The following VWC2L variants were observed in gnomAD, a reference collection of about 807,000 sequenced individuals.
VWC2L encodes the protein von Willebrand factor C domain containing 2 like.
A neutral mutation model predicts 21.6 loss-of-function variants in VWC2L; 10 were observed. The ratio of observed to expected loss-of-function variants is 0.46; its 90% CI spans 0.29 to 0.78. The LOEUF (loss-of-function observed/expected upper bound fraction) is 0.78. Among genes scored for constraint, VWC2L ranks in the 30% least tolerant of loss-of-function variants. The probability of loss-of-function intolerance (pLI) is 0.10; values close to 1 mark genes in which losing one functional copy is unlikely to be tolerated. For synonymous variants in VWC2L, 96 were observed against 94.3 expected (o/e 1.02, Z -0.10); for missense variants, 209 against 277.1 (o/e 0.75, Z 1.74).
At chr2:214,466,457 G>C (rs976514464) in intron 3 of VWC2L, among the ~76,000 whole-genome samples, 22 of 152,038 alleles carry the variant, frequency 1.4e-4, no homozygotes, top group African/African-American at 5.1e-4. Flanking sequence ...AGTTTTCTTA[G>C]TGTTCCTTGT....
chr2:214,481,382 AG>A (rs1688601776), intron 3 of VWC2L, among the ~76,000 whole-genome samples: 1 of 152,218 alleles, frequency 6.6e-6, no homozygotes, highest in Non-Finnish European at 1.5e-5. Context: ...GTGGAGAAAA[AG>A]GCTCAGCTGA....
intron 3 of VWC2L, among the ~76,000 whole-genome samples, chr2:214,456,978 T>A (rs1285889410): frequency 1.3e-5 from 2 of 152,132 alleles, no homozygotes; most frequent in Non-Finnish European, 2.9e-5. Flanking sequence ...TATTATAACT[T>A]TTTAATTTAT....
chr2:214,563,029 C>T (rs1690001195), intron 3 of VWC2L, among the ~76,000 whole-genome samples: 1 of 152,022 alleles, frequency 6.6e-6, no homozygotes, highest in Non-Finnish European at 1.5e-5. Context: ...GAAATCTTTC[C>T]CTTGCCTGCA....
chr2:214,542,884 G>A (rs1689649848), intron 3 of VWC2L, among the ~76,000 whole-genome samples: 1 of 151,948 alleles, frequency 6.6e-6, no homozygotes, highest in Non-Finnish European at 1.5e-5. Context: ...GCCAAATTAG[G>A]GTTCATTCAT....
chr2:214,445,556 G>C (rs986580391), intron 3 of VWC2L, among the ~76,000 whole-genome samples: 2 of 151,444 alleles, frequency 1.3e-5, no homozygotes, highest in Non-Finnish European at 3.0e-5. Context: ...CATATATAGA[G>C]AGACCCTATT....
chr2:214,496,669 T>C (rs757976536), intron 3 of VWC2L, among the ~76,000 whole-genome samples: 1 of 152,240 alleles, frequency 6.6e-6, no homozygotes, highest in African/African-American at 2.4e-5. Context: ...TCTTACGTGA[T>C]TGTACTATTG....
At chr2:214,433,097 A>G (rs531897401) in intron 2 of VWC2L, among the ~76,000 whole-genome samples, 178 of 150,096 alleles carry the variant, frequency 1.2e-3, no homozygotes, top group Non-Finnish European at 2.2e-3. Flanking sequence ...TTAGTTATTT[A>G]AAAACACTAA....
At chr2:214,565,633 A>AT (rs986125633) in intron 3 of VWC2L, among the ~76,000 whole-genome samples, 7 of 152,158 alleles carry the variant, frequency 4.6e-5, no homozygotes, top group East Asian at 1.9e-4. Flanking sequence ...ATGTCTTGAC[A>AT]TTTTTTTAAT....
chr2:214,572,090 A>G (rs867491755), intron 3 of VWC2L, among the ~76,000 whole-genome samples: 3 of 152,212 alleles, frequency 2.0e-5, no homozygotes, highest in Admixed American at 6.5e-5. Flanking sequence ...CCTACCTCCT[A>G]TATTCTTAAA....
chr2:214,452,959 A>G (rs923952293), intron 3 of VWC2L, among the ~76,000 whole-genome samples: 1 of 152,120 alleles, frequency 6.6e-6, no homozygotes, highest in African/African-American at 2.4e-5. Context: ...AATTCTTTAT[A>G]TATTCTGTAG....
chr2:214,470,413 C>T (rs1361853223), intron 3 of VWC2L, among the ~76,000 whole-genome samples: 1 of 151,882 alleles, frequency 6.6e-6, no homozygotes, highest in African/African-American at 2.4e-5. Flanking sequence ...AACAGGGATG[C>T]TTGTACATTT....
intron 3 of VWC2L, among the ~76,000 whole-genome samples, chr2:214,465,360 C>T (rs1703200401): frequency 6.6e-6 from 1 of 152,150 alleles, no homozygotes; most frequent in Non-Finnish European, 1.5e-5. Context: ...ATGGATTCTG[C>T]CAGGACTGGG....
At chr2:214,428,768 A>T (rs967869060) in intron 2 of VWC2L, among the ~76,000 whole-genome samples, 1 of 151,750 alleles carries the variant, frequency 6.6e-6, no homozygotes, top group African/African-American at 2.4e-5. Context: ...ATATAAAATG[A>T]AGAAAAAATT....
chr2:214,491,195 A>C (rs1688741128), intron 3 of VWC2L, among the ~76,000 whole-genome samples: 1 of 152,192 alleles, frequency 6.6e-6, no homozygotes, highest in Non-Finnish European at 1.5e-5. Flanking sequence ...ATTTTTCAAA[A>C]ATTAGCCCAT....
intron 3 of VWC2L, among the ~76,000 whole-genome samples, chr2:214,478,488 A>C (rs1688557495): frequency 6.6e-6 from 1 of 152,038 alleles, no homozygotes; most frequent in African/African-American, 2.4e-5. Flanking sequence ...AAAACAACAA[A>C]AAACAACGAC....
chr2:214,543,626 A>G (rs1689661181), intron 3 of VWC2L, among the ~76,000 whole-genome samples: 3 of 152,064 alleles, frequency 2.0e-5, no homozygotes, highest in African/African-American at 7.2e-5. Flanking sequence ...CTCTAGCTGA[A>G]TATGCTGACC....
At chr2:214,532,438 T>C (rs1451575048) in intron 3 of VWC2L, among the ~76,000 whole-genome samples, 1 of 152,134 alleles carries the variant, frequency 6.6e-6, no homozygotes. Context: ...ACCCCAAGCA[T>C]TACATGAGTA....
chr2:214,507,053 T>C (rs150203381), intron 3 of VWC2L, among the ~76,000 whole-genome samples: 1,726 of 152,186 alleles, frequency 0.011, 34 homozygotes, highest in African/African-American at 0.039. Flanking sequence ...AAAACAAAGG[T>C]CAACATGTTT....
At chr2:214,515,701 C>T (rs1478515457) in intron 3 of VWC2L, among the ~76,000 whole-genome samples, 1 of 152,080 alleles carries the variant, frequency 6.6e-6, no homozygotes. Context: ...TTGCAGGCAC[C>T]CACCACCAGT....
Sources: gnomAD v4.1 joint callset for allele counts (sites outside exome capture counted in the v4.1 genomes callset) on GRCh38, gnomAD v4.1.1 for gene constraint, MANE v1.5 for transcripts, NCBI Gene and HGNC (gene_info 2026-07-23, HGNC 2026-07-21) for gene names.